The following RNF150 variants were observed in gnomAD, a reference collection of about 807,000 sequenced individuals.
The protein encoded by RNF150 is ring finger protein 150.
A neutral mutation model predicts 39.3 loss-of-function variants in RNF150; 24 were observed. The observed-to-expected ratio is 0.61, with a 90% CI of 0.44 to 0.86. RNF150 has a LOEUF of 0.86. Among genes scored for constraint, RNF150 ranks in the 40% least tolerant of loss-of-function variants. The probability of loss-of-function intolerance (pLI) is 0.00; values close to 1 mark genes in which losing one functional copy is unlikely to be tolerated. For missense variants in RNF150, 502 were observed against 587.8 expected (o/e 0.85, Z 1.51); for synonymous variants, 255 against 227.3 (o/e 1.12, Z -1.10).
chr4:140,993,590 G>GC (rs565572783), intron 1 of RNF150, among the ~76,000 whole-genome samples: 212 of 152,282 alleles, frequency 1.4e-3, no homozygotes, highest in African/African-American at 5.1e-3. Context: ...CATAGTGAAG[G>GC]CCCCCGGCAT....
intron 2 of RNF150, among the ~76,000 whole-genome samples, chr4:140,953,067 C>T (rs1371440866): frequency 6.6e-6 from 1 of 152,108 alleles, no homozygotes; most frequent in South Asian, 2.1e-4. Flanking sequence ...AAACATAGAA[C>T]AGATACAGTA....
intron 1 of RNF150, among the ~76,000 whole-genome samples, chr4:141,003,566 TACACACACACACACAC>T (rs70946725): frequency 7.0e-5 from 10 of 142,460 alleles, no homozygotes; most frequent in Non-Finnish European, 1.2e-4. Context: ...CCCTAGCACG[TACACACACACACACAC>T]ACACACACAC....
intron 1 of RNF150, among the ~76,000 whole-genome samples, chr4:141,041,988 T>C (rs1480972406): frequency 6.6e-6 from 1 of 152,038 alleles, no homozygotes; most frequent in Non-Finnish European, 1.5e-5. Context: ...AGGAATTATA[T>C]AATCACAGGT....
intron 4 of RNF150, among the ~76,000 whole-genome samples, chr4:140,937,081 A>G (rs570307564): frequency 4.6e-5 from 7 of 152,248 alleles, no homozygotes; most frequent in Non-Finnish European, 1.0e-4. Flanking sequence ...CAATCTAGTA[A>G]GTTCACTTTA....
intron 1 of RNF150, among the ~76,000 whole-genome samples, chr4:141,058,440 T>C (rs138531076): frequency 5.3e-5 from 8 of 152,230 alleles, no homozygotes; most frequent in Non-Finnish European, 8.8e-5. Context: ...TGATTTTTAG[T>C]CTGCCTTTTC....
intron 1 of RNF150, among the ~76,000 whole-genome samples, chr4:140,997,735 C>CACATA (rs1553935409): frequency 6.6e-6 from 1 of 151,754 alleles, no homozygotes. Context: ...TAAAAAGATA[C>CACATA]TAGCTGCATA....
chr4:140,907,268 A>C (rs1227813727), intron 6 of RNF150, among the ~76,000 whole-genome samples: 1 of 152,220 alleles, frequency 6.6e-6, no homozygotes, highest in Non-Finnish European at 1.5e-5. Flanking sequence ...AAGGTGGAGG[A>C]GATACACTGT....
At chr4:140,924,796 C>T (rs966432591) in intron 5 of RNF150, among the ~76,000 whole-genome samples, 2 of 152,172 alleles carry the variant, frequency 1.3e-5, no homozygotes, top group Admixed American at 6.5e-5. Flanking sequence ...AAATCTAGCT[C>T]AAAGGTATAG....
intron 1 of RNF150, among the ~76,000 whole-genome samples, chr4:141,055,033 A>G (rs1291080084): frequency 6.6e-6 from 1 of 152,192 alleles, no homozygotes; most frequent in African/African-American, 2.4e-5. Flanking sequence ...AAAGTGAAAC[A>G]ACTTTGGCTA....
rs145564480 is a variant in RNF150, at chr4:141,024,186, G to T, written c.485-56313C>A. ...TACTCAAGATTTAAGCTGGAGTTCA[G>T]ATTTGTCTCTAGCAATGGGACTACA... On this transcript the variant is annotated intron_variant, in intron 1 of 6. Transcript: ENST00000515673. 1.2e-4 allele frequency among the ~76,000 whole-genome samples: 19 copies of T among 152,278 alleles called. 1 individual carries two copies. The highest frequency in any genetic ancestry group is 1.2e-3 in the Admixed American group (18 of 15,292).
At chr4:140,877,506 G>A (rs982136) in intron 6 of RNF150, among the ~76,000 whole-genome samples, 37,349 of 152,044 alleles carry the variant, frequency 0.25, 4,789 homozygotes, top group Middle Eastern at 0.37. Flanking sequence ...TTCTGCAACC[G>A]TATAAAATTA....
chr4:140,974,886 A>G (rs1267484298), intron 1 of RNF150, among the ~76,000 whole-genome samples: 2 of 152,082 alleles, frequency 1.3e-5, no homozygotes, highest in Admixed American at 1.3e-4. Flanking sequence ...CTTGAACTGC[A>G]TGGGTCCGCT....
At chr4:140,894,296 T>G (rs1729860382) in intron 6 of RNF150, among the ~76,000 whole-genome samples, 1 of 152,264 alleles carries the variant, frequency 6.6e-6, no homozygotes, top group South Asian at 2.1e-4. Flanking sequence ...GTTTAATTAA[T>G]GAAAGACTTC....
intron 1 of RNF150, among the ~76,000 whole-genome samples, chr4:141,006,608 T>C (rs1393591704): frequency 6.6e-6 from 1 of 152,204 alleles, no homozygotes; most frequent in Non-Finnish European, 1.5e-5. Context: ...TCTGAAGTTG[T>C]GGCACTGCCA....
At chr4:141,100,653 AAGG>A (rs1738974097) in intron 1 of RNF150, among the ~76,000 whole-genome samples, 1 of 152,204 alleles carries the variant, frequency 6.6e-6, no homozygotes, top group Non-Finnish European at 1.5e-5. Flanking sequence ...CATGCTAGGG[AAGG>A]AGATGTACGT....
chr4:141,076,657 G>A (rs1472087563), intron 1 of RNF150, among the ~76,000 whole-genome samples: 3 of 151,536 alleles, frequency 2.0e-5, no homozygotes, highest in Non-Finnish European at 1.5e-5. Flanking sequence ...ATAAAAGATG[G>A]TCATTCCTGA....
chr4:140,987,371 A>G (rs1460631434), intron 1 of RNF150, among the ~76,000 whole-genome samples: 2 of 152,148 alleles, frequency 1.3e-5, no homozygotes, highest in Non-Finnish European at 2.9e-5. Flanking sequence ...AAGCTATACT[A>G]CAAGGTTACA....
intron 6 of RNF150, among the ~76,000 whole-genome samples, chr4:140,900,107 TC>T (rs1190852112): frequency 6.6e-6 from 1 of 152,144 alleles, no homozygotes; most frequent in Non-Finnish European, 1.5e-5. Flanking sequence ...AGTGGATATT[TC>T]CAAAATTTTT....
intron 1 of RNF150, among the ~76,000 whole-genome samples, chr4:141,000,963 C>A (rs771769095): frequency 2.6e-5 from 4 of 152,066 alleles, no homozygotes; most frequent in Non-Finnish European, 5.9e-5. Flanking sequence ...TCATTTAGAG[C>A]TAATTTATTT....
Sources: gnomAD v4.1 joint callset for allele counts (sites outside exome capture counted in the v4.1 genomes callset) on GRCh38, gnomAD v4.1.1 for gene constraint, MANE v1.5 for transcripts, NCBI Gene and HGNC (gene_info 2026-07-23, HGNC 2026-07-21) for gene names.